Variants in COL23A1 observed in about 807,000 individuals in gnomAD.
The protein encoded by COL23A1 is collagen type XXIII alpha 1 chain, also known as collagen alpha-1(XXIII) chain.
A neutral mutation model predicts 99.3 loss-of-function variants in COL23A1; 97 were observed. The observed-to-expected ratio is 0.98, with a 90% confidence interval of 0.83 to 1.16. The LOEUF (loss-of-function observed/expected upper bound fraction) is 1.16. COL23A1 is among the 50% of genes most tolerant of loss of function. The probability of loss-of-function intolerance (pLI) is 0.00; values close to 1 mark genes in which losing one functional copy is unlikely to be tolerated. For synonymous variants in COL23A1, 320 were observed against 308.2 expected (o/e 1.04, Z -0.40); for missense variants, 762 against 757.4 (o/e 1.01, Z -0.07).
At chr5:178,337,791 T>C (rs773720704) in intron 2 of COL23A1, among the ~76,000 whole-genome samples, 4 of 152,200 alleles carry the variant, frequency 2.6e-5, no homozygotes, top group Non-Finnish European at 4.4e-5. Context: ...CGTCTGGTGA[T>C]GGAAACAAAC....
chr5:178,547,349 G>A (rs556282447), intron 2 of COL23A1, among the ~76,000 whole-genome samples: 1 of 151,874 alleles, frequency 6.6e-6, no homozygotes, highest in Non-Finnish European at 1.5e-5. Flanking sequence ...ACATGGGAAA[G>A]AACATGGGTA....
chr5:178,305,823 T>G (rs1010002962), intron 3 of COL23A1, among the ~76,000 whole-genome samples: 1 of 151,678 alleles, frequency 6.6e-6, no homozygotes, highest in Non-Finnish European at 1.5e-5. Flanking sequence ...GTCCGAGACA[T>G]GGAGAAGGAG....
At chr5:178,426,518 G>A (rs1765946711) in intron 2 of COL23A1, among the ~76,000 whole-genome samples, 1 of 152,154 alleles carries the variant, frequency 6.6e-6, no homozygotes, top group Non-Finnish European at 1.5e-5. Context: ...CGCGCTCTGT[G>A]CTGCCATCCG....
rs942197849 is a variant in COL23A1, at chr5:178,280,639, G to A, written c.441+7685C>T. On this transcript the variant is annotated intron_variant, in intron 5 of 28. Transcript: ENST00000390654. This position sits in a 1 kb window ranked among gnomAD's most constrained non-coding sequence, Gnocchi z 4.9. ...AACATGTTCTTCCATGTGATGGGGC[G>A]AGGATGCTGTGGGGCTGGTCTGTTG... 6.6e-5 allele frequency among the ~76,000 whole-genome samples: 10 copies of A among 152,172 alleles called. No homozygotes were observed. Among genetic ancestry groups the A allele is most frequent in the African/African-American group, 1.9e-4 (8 of 41,430 alleles).
chr5:178,334,518 A>G (rs1470408522), intron 2 of COL23A1, among the ~76,000 whole-genome samples: 1 of 152,246 alleles, frequency 6.6e-6, no homozygotes, highest in Non-Finnish European at 1.5e-5. Context: ...AAAGAGGACC[A>G]TAACTCGGTG....
intron 2 of COL23A1, among the ~76,000 whole-genome samples, chr5:178,422,873 AATG>A (rs1438104804): frequency 1.3e-5 from 2 of 152,174 alleles, no homozygotes; most frequent in African/African-American, 4.8e-5. Flanking sequence ...TCCTTGACTT[AATG>A]ATGATGTGAC....
intron 5 of COL23A1, among the ~76,000 whole-genome samples, chr5:178,279,086 G>A (rs541747554): frequency 1.3e-5 from 2 of 152,300 alleles, no homozygotes; most frequent in East Asian, 3.9e-4. Context: ...AGCTTTGCTC[G>A]AGCCCTGTGC....
At chr5:178,563,276 G>A (rs1352244158) in intron 1 of COL23A1, among the ~76,000 whole-genome samples, 1 of 152,146 alleles carries the variant, frequency 6.6e-6, no homozygotes. Context: ...CTGTCCCACA[G>A]GACCCTTGTG....
At chr5:178,245,840 G>T (rs1045792051) in intron 25 of COL23A1, 102 bp downstream of exon 25, 1 of 1,377,876 alleles carries the variant, frequency 7.3e-7, no homozygotes. Context: ...CCAGCCCTGG[G>T]GAAAGGGGTC....
rs1561940793 is a variant in COL23A1 at position 178,403,137 on chromosome 5, A to AGAG, written c.362-96219_362-96218insCTC. Among the ~76,000 whole-genome samples, 213 of 137,098 alleles carry AGAG rather than the reference A, an allele frequency of 1.6e-3. 5 individuals carry two copies. The highest frequency in any genetic ancestry group is 5.3e-3 in the African/African-American group (189 of 35,770). The allele number at this position is 137,098 out of a possible 152,430, so 89.9% of individuals were successfully genotyped here. ...AAAAAAAAAAATAAATAAATAAAAA[A>AGAG]TAAATACCATTTACCGAAATCTTCT... On this transcript the variant is annotated intron_variant, in intron 2 of 28. Transcript: ENST00000390654.
At chr5:178,480,195 G>A (rs1757259019) in intron 2 of COL23A1, among the ~76,000 whole-genome samples, 1 of 151,624 alleles carries the variant, frequency 6.6e-6, no homozygotes, top group African/African-American at 2.4e-5. Flanking sequence ...GATAGATGAA[G>A]CCTGATCAGG....
In COL23A1 at chr5:178,246,019, G is replaced by A. The variant is rs748111111; in HGVS notation, c.1414-51C>T. 3.1e-6 allele frequency: 5 copies of A among 1,604,940 alleles called. No individual in the cohort carries two copies. In the South Asian group the frequency reaches 4.4e-5, roughly 14 times the overall value. On this transcript the variant is annotated intron_variant, in intron 24 of 28. Coordinates refer to ENST00000390654, the MANE Select transcript of COL23A1 (RefSeq NM_173465.4). ...GAGGGGTTGGGGAGGGGTGCTGGGA[G>A]CACAGCTGCTGGGAAGTCCAGCCCT...
intron 2 of COL23A1, among the ~76,000 whole-genome samples, chr5:178,433,461 GT>G (rs1470705240): frequency 1.3e-5 from 2 of 152,150 alleles, no homozygotes; most frequent in Non-Finnish European, 2.9e-5. Flanking sequence ...TCGGAACCTC[GT>G]TGCTGAGGGT....
rs1755819520 is a variant in COL23A1 at position 178,265,329 on chromosome 5, A to G, written c.522+1978T>C. ...AAACTGACAGTTTGGTTAGGTCACC[A>G]GGTATGGGTGGTGATGGTGGCGGGT... On this transcript the variant is annotated intron_variant, in intron 8 of 28. Coordinates refer to ENST00000390654, the MANE Select transcript of COL23A1 (RefSeq NM_173465.4). 5.9e-5 allele frequency among the ~76,000 whole-genome samples: 9 copies of G among 152,190 alleles called. No homozygotes were observed. The South Asian group carries it at 1.9e-3, about 31-fold the overall frequency.
rs1295901966 is a variant in COL23A1 at position 178,517,561 on chromosome 5, TTTTTTTG to T, written c.361+43114_361+43120del. ...CTCAGACTCTCGGTGACAGCAGTTT[TTTTTTTG>T]TTTTTTTTTTTGAGATGGAGTCTCA... On this transcript the variant is annotated intron_variant, in intron 2 of 28. Transcript: ENST00000390654. Among the ~76,000 whole-genome samples the T allele has an allele frequency of 6.7e-4, 75 of 111,732 alleles. 4 individuals are homozygous for T. Among genetic ancestry groups the T allele is most frequent in the African/African-American group, 1.4e-3 (42 of 29,050 alleles). The allele number at this position is 111,732 out of a possible 152,430, so 73.3% of individuals were successfully genotyped here. A position where few individuals can be genotyped will look rare whatever the true frequency, so the allele number is the denominator to read the frequency against.
At chr5:178,273,599 G>A (rs1306643420) in intron 5 of COL23A1, among the ~76,000 whole-genome samples, 3 of 152,200 alleles carry the variant, frequency 2.0e-5, no homozygotes, top group Admixed American at 6.5e-5. Context: ...TCCAATTCTC[G>A]GAAGCCGAGC....
chr5:178,576,822 C>G (rs982718862), intron 1 of COL23A1, among the ~76,000 whole-genome samples: 13 of 151,964 alleles, frequency 8.6e-5, no homozygotes, highest in African/African-American at 3.1e-4. Context: ...CCGCCTCCAG[C>G]GCGGGCCTCT....
At chr5:178,521,509 C>T (rs1759942926) in intron 2 of COL23A1, among the ~76,000 whole-genome samples, 2 of 146,848 alleles carry the variant, frequency 1.4e-5, no homozygotes, top group Non-Finnish European at 3.0e-5. Flanking sequence ...GCCGAGATGG[C>T]GCCATTGCAC....
chr5:178,588,127 C>CAGAGAG (rs372279717), intron 1 of COL23A1, among the ~76,000 whole-genome samples: 23 of 151,506 alleles, frequency 1.5e-4, no homozygotes, highest in African/African-American at 5.6e-4. Flanking sequence ...TAATCAAGAA[C>CAGAGAG]AGAGAGAGAG....
Sources: gnomAD v4.1 joint callset for allele counts (sites outside exome capture counted in the v4.1 genomes callset) on GRCh38, gnomAD v4.1.1 for gene constraint, Gnocchi (gnomAD v3.1) non-coding constraint, MANE v1.5 for transcripts, NCBI Gene and HGNC (gene_info 2026-07-23, HGNC 2026-07-21) for gene names.